MYLK: variants seen among roughly 807,000 people sequenced by gnomAD.
MYLK encodes myosin light chain kinase, also known as myosin light chain kinase, smooth muscle.
MYLK carries 106 observed loss-of-function variants against 203.4 expected under a neutral mutation model. That is an observed-to-expected ratio of 0.52 (90% CI 0.45 to 0.61). The LOEUF is 0.61. Among genes scored for constraint, MYLK ranks in the 20% least tolerant of loss-of-function variants. The pLI, the probability that MYLK is intolerant of heterozygous loss-of-function variation, is 0.00. For missense variants in MYLK, 2,072 were observed against 2,442.3 expected, an observed-to-expected ratio of 0.85 and a Z score of 3.20; for synonymous variants, 867 against 959.5, an observed-to-expected ratio of 0.90 and a Z score of 1.78.
rs1311433173 is a variant in MYLK at position 123,642,565 on chromosome 3, AC to A, written c.4620-2062del. ...AGGGAGCTAGAACTCATACTTTAAA[AC>A]CCATCTGAGAAGAAGGTCCCCAAAT... On this transcript the variant is annotated intron_variant, in intron 27 of 33. Transcript: ENST00000360304. The surrounding 1 kb of genome is among the most constrained non-coding windows in gnomAD (Gnocchi z 4.2). Among the ~76,000 whole-genome samples the A allele has an allele frequency of 6.6e-6, 1 of 151,842 alleles. No homozygotes were observed. The highest frequency in any genetic ancestry group is 1.5e-5 in the Non-Finnish European group (1 of 67,992).
chr3:123,647,354 C>A lies in MYLK; in HGVS notation c.4489G>T (p.Ala1497Ser). The A allele has an allele frequency of 6.2e-7, 1 of 1,614,250 alleles. No individual in the cohort carries two copies. The highest frequency in any genetic ancestry group is 8.5e-7 in the Non-Finnish European group (1 of 1,180,048). ...RKVWAGKFFK[A>S]YSAKEKENIR... ...TTCTCTTTCTCTTTTGCTGAATATG[C>A]CTTGAAGAACTTCCCTGCCCAGACT... The change falls in exon 27 of 34, where the codon GCA becomes TCA. Residue 1497 changes from alanine to serine, a missense_variant. By Grantham distance (99) the Ala-to-Ser change is moderately conservative. Coordinates refer to ENST00000360304, the MANE Select transcript of MYLK (RefSeq NM_053025.4).
Position 123,733,768 on chromosome 3 carries a change from C to A in MYLK, c.1228G>T (p.Asp410Tyr), listed in dbSNP as rs947470085. 1 of 1,614,106 alleles carries A rather than the reference C, an allele frequency of 6.2e-7. No individual in the cohort carries two copies. Among genetic ancestry groups the A allele is most frequent in the Non-Finnish European group, 8.5e-7 (1 of 1,180,040 alleles). ...NRRIPMEGQR[D>Y]SAFPKFESKP... ...CTCTCAAATTTGGGGAATGCTGAAT[C>A]CCTCTGGCCCTCCATGGGGATTCTC... The change falls in exon 10 of 34, where the codon GAT (aspartate) becomes TAT (tyrosine). Residue 410 changes from aspartate to tyrosine, a missense_variant. This residue lies in a region of MYLK where 683 missense variants were observed against 643.8 expected (regional missense o/e 1.06). Transcript: ENST00000360304.
chr3:123,722,130 T>G lies in MYLK; in HGVS notation c.1802A>C (p.His601Pro), dbSNP rs45477891. ...CCCAGGTGCCCAGAGGCTCCTACCA[T>G]GGACGGTGACCCAGGCGCTGCAGGA... ...QVSCSAWVTV[H>P]EKKSSRKSEY... The change falls in exon 13 of 34, where the codon CAT (histidine) becomes CCT (proline). Residue 601 changes from histidine (H) to proline (P), a missense_variant and splice_region_variant. By Grantham distance (77) the His-to-Pro change is moderately conservative. This residue lies in a region of MYLK where 865 missense variants were observed against 1,016.0 expected (regional missense o/e 0.85). Coordinates refer to ENST00000360304, the MANE Select transcript of MYLK (RefSeq NM_053025.4). 1.9e-5 allele frequency: 30 copies of G among 1,565,274 alleles called. 1 individual carries two copies. The Admixed American group carries it at 5.5e-4, about 28-fold the overall frequency.
intron 2 of MYLK, among the ~76,000 whole-genome samples, chr3:123,872,070 C>T (rs1285156406): frequency 6.6e-6 from 1 of 151,912 alleles, no homozygotes; most frequent in African/African-American, 2.4e-5. Flanking sequence ...GACCAGCAGG[C>T]CAAATCCAAC....
intron 28 of MYLK, 145 bp from the exon 29 acceptor site, chr3:123,638,339 G>A: frequency 8.5e-7 from 1 of 1,179,618 alleles, no homozygotes; most frequent in South Asian, 1.3e-5. Context: ...AGAGACATCT[G>A]ACCTCCTTGT....
intron 20 of MYLK, among the ~76,000 whole-genome samples, chr3:123,672,109 G>A (rs1467002110): frequency 3.9e-5 from 6 of 151,954 alleles, no homozygotes; most frequent in African/African-American, 1.2e-4. Flanking sequence ...CCTTCAAAGA[G>A]GTAATTAAAT....
At chr3:123,755,179 C>T (rs1489934488) in intron 4 of MYLK, among the ~76,000 whole-genome samples, 2 of 152,224 alleles carry the variant, frequency 1.3e-5, no homozygotes, top group Non-Finnish European at 2.9e-5. Flanking sequence ...GAGTGCCAAG[C>T]ACTGCAACTA....
intron 32 of MYLK, 148 bp from the exon 33 acceptor site, chr3:123,618,918 T>G: frequency 9.2e-7 from 1 of 1,084,602 alleles, no homozygotes. Flanking sequence ...GCCTTTCTCC[T>G]GGGGACAGGT....
intron 18 of MYLK, among the ~76,000 whole-genome samples, chr3:123,699,470 C>T (rs138351172): frequency 2.2e-3 from 334 of 152,292 alleles, no homozygotes; most frequent in Non-Finnish European, 3.9e-3. Flanking sequence ...CCCGACAGAT[C>T]CCTTCAAACC....
intron 13 of MYLK, among the ~76,000 whole-genome samples, chr3:123,712,091 C>T (rs1238514107): frequency 2.0e-5 from 3 of 152,194 alleles, no homozygotes; most frequent in Admixed American, 6.5e-5. Context: ...CCACGGTCCC[C>T]TTGGAAGATG....
intron 4 of MYLK, among the ~76,000 whole-genome samples, chr3:123,774,894 A>G (rs2109001864): frequency 6.6e-6 from 1 of 152,312 alleles, no homozygotes; most frequent in East Asian, 1.9e-4. Flanking sequence ...TGCGCTGGAT[A>G]AAGGCTCGTT....
At chr3:123,714,205 A>G (rs145464338) in intron 13 of MYLK, among the ~76,000 whole-genome samples, 1 of 152,212 alleles carries the variant, frequency 6.6e-6, no homozygotes, top group African/African-American at 2.4e-5. Context: ...GCTGAGACTC[A>G]GAGAAAGAAG....
Position 123,647,229 on chromosome 3 carries a change from C to T in MYLK, c.4614G>A (p.Leu1538=). 1 of 1,614,188 alleles carries T rather than the reference C, an allele frequency of 6.2e-7. No homozygotes were observed. Among genetic ancestry groups the T allele is most frequent in the African/African-American group, 1.3e-5 (1 of 75,064 alleles). The part of the protein sequence containing the change: ...FEEKANIVMV[L]EIVSGGELFE... ...GCTGGCAGTGGGCCACTCACATCTCCAGGACCATGACGATGTTGGCCTTTT... is the reference window on the plus strand; with the variant it reads ...GCTGGCAGTGGGCCACTCACATCTCTAGGACCATGACGATGTTGGCCTTTT... Residue 1538 remains leucine (L), a synonymous_variant, in exon 27 of 34, where the codon CTG becomes CTA. Transcript: ENST00000360304.
chr3:123,728,244 T>C (rs1161980667), intron 11 of MYLK, among the ~76,000 whole-genome samples: 1 of 152,198 alleles, frequency 6.6e-6, no homozygotes, highest in East Asian at 1.9e-4. Flanking sequence ...GGCTCAAGTC[T>C]TTAATCTCAG....
At chr3:123,647,976 C>G (rs2059080479) in intron 26 of MYLK, among the ~76,000 whole-genome samples, 1 of 152,218 alleles carries the variant, frequency 6.6e-6, no homozygotes, top group African/African-American at 2.4e-5. Flanking sequence ...CAGAGTATTA[C>G]TGAGCAGTTG....
intron 2 of MYLK, among the ~76,000 whole-genome samples, chr3:123,851,111 T>C (rs2148666778): frequency 6.6e-6 from 1 of 152,332 alleles, no homozygotes; most frequent in Admixed American, 6.5e-5. Flanking sequence ...TATATCTCTG[T>C]TTTGGTACCA....
intron 4 of MYLK, among the ~76,000 whole-genome samples, chr3:123,788,657 T>G (rs1325933565): frequency 1.3e-5 from 2 of 151,582 alleles, no homozygotes; most frequent in Non-Finnish European, 2.9e-5. Flanking sequence ...TGAACTGAGT[T>G]GAAAGTTATT....
At chr3:123,781,298 G>A (rs1576951776) in intron 4 of MYLK, among the ~76,000 whole-genome samples, 1 of 152,196 alleles carries the variant, frequency 6.6e-6, no homozygotes, top group Non-Finnish European at 1.5e-5. Flanking sequence ...AGGAGCTCTG[G>A]GAGCACTGGG....
At position 123,819,619 on chromosome 3, in the gene MYLK, G is replaced by C. The variant is rs77972994; in HGVS notation, c.-4+11929C>G. Among the ~76,000 whole-genome samples, 492 of 152,220 alleles carry C rather than the reference G, an allele frequency of 3.2e-3. 2 individuals carry two copies. Among genetic ancestry groups the C allele is most frequent in the Non-Finnish European group, 5.2e-3 (351 of 68,010 alleles). ...TGGCAAAATAAACTCCTTTCCCATAGTCTTTATCTTAAAATGTCATCTACC... is the reference window on the plus strand; with the variant it reads ...TGGCAAAATAAACTCCTTTCCCATACTCTTTATCTTAAAATGTCATCTACC... On this transcript the variant is annotated intron_variant, in intron 3 of 33. Coordinates refer to ENST00000360304, the MANE Select transcript of MYLK (RefSeq NM_053025.4).
Sources: allele counts gnomAD v4.1 joint callset (sites outside exome capture counted in the v4.1 genomes callset), GRCh38; gene constraint gnomAD v4.1.1; regional missense constraint gnomAD v4.1.1; non-coding constraint Gnocchi (gnomAD v3.1); transcripts MANE v1.5; gene names NCBI Gene and HGNC (gene_info 2026-07-23, HGNC 2026-07-21).